SOCS6: variants seen among roughly 807,000 people sequenced by gnomAD.
The protein encoded by SOCS6 is suppressor of cytokine signaling 6.
In SOCS6, 5 loss-of-function variants were observed where a neutral mutation model predicts 27.7. The observed-to-expected ratio is 0.18, with a 90% CI of 0.09 to 0.38. SOCS6 has a LOEUF of 0.38. Among genes scored for constraint, SOCS6 ranks in the 10% least tolerant of loss-of-function variants. The pLI, the probability that SOCS6 is intolerant of heterozygous loss-of-function variation, is 1.00. For missense variants in SOCS6, 595 were observed against 688.1 expected, an observed-to-expected ratio of 0.86 and a Z score of 1.51; for synonymous variants, 271 against 260.0, an observed-to-expected ratio of 1.04 and a Z score of -0.41.
intron 1 of SOCS6, among the ~76,000 whole-genome samples, chr18:70,306,477 CAAAAAAAAAAAAAA>C (rs55702216): frequency 2.8e-4 from 26 of 92,704 alleles, no homozygotes; most frequent in Non-Finnish European, 1.5e-4. Context: ...GACTCCATCT[CAAAAAAAAAAAAAA>C]AAAAAAAAGA....
rs2062310858 is a variant in SOCS6, at chr18:70,293,763, A to G, written c.-127+4673A>G. On this transcript the variant is annotated intron_variant, in intron 1 of 1. Transcript: ENST00000397942. ...TAAGGTTTTGTTCCTTTACGTATAT[A>G]ATAATGATGATGTTTCTCTCAGAGC... 2.0e-5 allele frequency among the ~76,000 whole-genome samples: 3 copies of G among 152,190 alleles called. No individual in the cohort carries two copies. The South Asian group carries it at 6.2e-4, about 32-fold the overall frequency.
rs1369591569 is a variant in SOCS6, at chr18:70,328,452, G to C, written c.*2176G>C. The C allele has an allele frequency of 6.0e-6, 1 of 166,430 alleles. No homozygotes were observed. The highest frequency in any genetic ancestry group is 1.5e-5 in the Non-Finnish European group (1 of 68,088). The allele number at this position is 166,430 out of a possible 1,614,324, so 10.3% of individuals were successfully genotyped here. A position where few individuals can be genotyped will look rare whatever the true frequency, so the allele number is the denominator to read the frequency against. ...CCTATTCCCTTCGTTTTCTCATCAT[G>C]CCATGTGTTTAAGATCTACCCGCTT... On this transcript the variant is annotated 3_prime_UTR_variant, in exon 2 of 2. Transcript: ENST00000397942.
chr18:70,306,477 C>CAAAAAAAAAA (rs55702216), intron 1 of SOCS6, among the ~76,000 whole-genome samples: 1 of 92,704 alleles, frequency 1.1e-5, no homozygotes, highest in African/African-American at 4.2e-5. Context: ...GACTCCATCT[C>CAAAAAAAAAA]AAAAAAAAAA....
intron 1 of SOCS6, among the ~76,000 whole-genome samples, chr18:70,323,620 TTCC>T (rs1379853634): frequency 6.6e-6 from 1 of 152,216 alleles, no homozygotes; most frequent in African/African-American, 2.4e-5. Flanking sequence ...ATTGAGCTTC[TTCC>T]TCCTCTGTGC....
intron 1 of SOCS6, among the ~76,000 whole-genome samples, chr18:70,302,284 G>A (rs2146268953): frequency 6.6e-6 from 1 of 152,174 alleles, no homozygotes; most frequent in Admixed American, 6.5e-5. Context: ...GGTGAAATAG[G>A]AAGTTGGGCC....
At chr18:70,315,901 G>A (rs768629523) in intron 1 of SOCS6, among the ~76,000 whole-genome samples, 12 of 151,642 alleles carry the variant, frequency 7.9e-5, no homozygotes, top group Admixed American at 7.9e-4. Flanking sequence ...ATGGAGTTTC[G>A]CTTTTGTTGC....
At chr18:70,311,147 C>T (rs1257116917) in intron 1 of SOCS6, among the ~76,000 whole-genome samples, 1 of 152,164 alleles carries the variant, frequency 6.6e-6, no homozygotes, top group Non-Finnish European at 1.5e-5. Context: ...ATATGTTTCT[C>T]TTAGAGCACT....
intron 1 of SOCS6, among the ~76,000 whole-genome samples, chr18:70,313,389 A>T (rs2062398290): frequency 6.6e-6 from 1 of 151,898 alleles, no homozygotes; most frequent in Non-Finnish European, 1.5e-5. Flanking sequence ...AAATTTGTAC[A>T]TTTTGCATTG....
At chr18:70,318,932 G>A (rs1049513267) in intron 1 of SOCS6, among the ~76,000 whole-genome samples, 7 of 150,834 alleles carry the variant, frequency 4.6e-5, no homozygotes, top group Admixed American at 2.0e-4. Flanking sequence ...GCAAGATTCC[G>A]TCTCACAAAA....
chr18:70,305,588 A>G (rs968418942), intron 1 of SOCS6, among the ~76,000 whole-genome samples: 1 of 152,266 alleles, frequency 6.6e-6, no homozygotes, highest in African/African-American at 2.4e-5. Context: ...ATCAATTAAT[A>G]TAAAAAAGAG....
chr18:70,291,712 A>G (rs977894349), intron 1 of SOCS6, among the ~76,000 whole-genome samples: 1 of 152,092 alleles, frequency 6.6e-6, no homozygotes. Context: ...GGACTCAATT[A>G]TTGTTATTCT....
At position 70,325,329 on chromosome 18, in the gene SOCS6, A is replaced by C; in HGVS notation, c.661A>C (p.Ile221Leu). ...VVIGLMPQDY[I>L]QYTVPLDEGM... ...TATTGGACTTATGCCTCAGGACTAC[A>C]TTCAGTATACTGTGCCTTTAGATGA... Residue 221 changes from isoleucine (I) to leucine (L), a missense_variant, in exon 2 of 2, where the codon ATT (isoleucine) becomes CTT (leucine). Ile to Leu is a conservative substitution (Grantham distance 5). Coordinates refer to ENST00000397942, the MANE Select transcript of SOCS6 (RefSeq NM_004232.4). This position sits in a 1 kb window ranked among gnomAD's most constrained non-coding sequence, Gnocchi z 6.3. 6.2e-7 allele frequency: 1 copy of C among 1,614,158 alleles called. No homozygotes were observed. The highest frequency in any genetic ancestry group is 8.5e-7 in the Non-Finnish European group (1 of 1,179,998).
chr18:70,318,979 G>A (rs1476017752), intron 1 of SOCS6, among the ~76,000 whole-genome samples: 3 of 151,852 alleles, frequency 2.0e-5, no homozygotes, highest in Non-Finnish European at 4.4e-5. Context: ...GAGAAAAGAA[G>A]AAAGAAAGAA....
At chr18:70,291,089 C>T in intron 1 of SOCS6, among the ~76,000 whole-genome samples, 2 of 87,088 alleles carry the variant, frequency 2.3e-5, no homozygotes, top group South Asian at 6.4e-4. Context: ...CTTTTAATGG[C>T]CCCCCTTTTT....
rs1381979755 is a variant in SOCS6 at position 70,324,833 on chromosome 18, T to C, written c.165T>C (p.Asp55=). ...ATGGTAAAGATATGGCCAGCTGCGA[T>C]ATCAACGGTGAAGATGAAAAAGGCG... is the stretch of plus-strand genomic sequence containing the variant. ...SCYGKDMASC[D]INGEDEKGGK... is the part of the protein sequence containing the mutation. The change falls in exon 2 of 2, where the codon GAT becomes GAC. Residue 55 remains aspartate (D), a synonymous_variant. Coordinates refer to ENST00000397942, the MANE Select transcript of SOCS6 (RefSeq NM_004232.4). 1.9e-6 allele frequency: 3 copies of C among 1,614,194 alleles called. No homozygotes were observed. Among genetic ancestry groups the C allele is most frequent in the Non-Finnish European group, 1.7e-6 (2 of 1,180,032 alleles).
At position 70,310,746 on chromosome 18, in the gene SOCS6, C is replaced by T. The variant is rs138157411; in HGVS notation, c.-126-13797C>T. On this transcript the variant is annotated intron_variant, in intron 1 of 1. Coordinates refer to ENST00000397942, the MANE Select transcript of SOCS6 (RefSeq NM_004232.4). ...AGTTGCAATGTGGACTCTCGTCTCC[C>T]GTCTCCTGTCTATGCTCTTAATCAT... Among the ~76,000 whole-genome samples, 400 of 152,198 alleles carry T rather than the reference C, an allele frequency of 2.6e-3. 1 individual carries two copies. Among genetic ancestry groups the T allele is most frequent in the African/African-American group, 8.8e-3 (366 of 41,524 alleles).
chr18:70,317,443 T>G (rs2146288265), intron 1 of SOCS6, among the ~76,000 whole-genome samples: 1 of 151,486 alleles, frequency 6.6e-6, no homozygotes, highest in South Asian at 2.1e-4. Context: ...TGTGTGTGTA[T>G]ACACATACAT....
Position 70,325,615 on chromosome 18 carries a change from C to T in SOCS6, c.947C>T (p.Pro316Leu), listed in dbSNP as rs542443702. 2.3e-5 allele frequency: 37 copies of T among 1,614,188 alleles called. No individual in the cohort carries two copies. The South Asian group carries it at 4.0e-4, about 17-fold the overall frequency. ...CCTCCACTCTCACCATTGCTACCTCCAATGCAGAATAATCAAATCCAAAGG... is the reference window on the plus strand; with the variant it reads ...CCTCCACTCTCACCATTGCTACCTCTAATGCAGAATAATCAAATCCAAAGG... ...DVPPLSPLLP[P>L]MQNNQIQRNF... The change falls in exon 2 of 2, where the codon CCA (proline) becomes CTA (leucine). Residue 316 changes from proline (P) to leucine (L), a missense_variant. By Grantham distance (98) the Pro-to-Leu change is moderately conservative. This residue lies in a region of SOCS6 where 467 missense variants were observed against 481.1 expected (regional missense o/e 0.97). Coordinates refer to ENST00000397942, the MANE Select transcript of SOCS6 (RefSeq NM_004232.4). This position sits in a 1 kb window ranked among gnomAD's most constrained non-coding sequence, Gnocchi z 6.3.
intron 1 of SOCS6, among the ~76,000 whole-genome samples, chr18:70,299,367 C>T (rs1022691703): frequency 6.6e-6 from 1 of 152,202 alleles, no homozygotes; most frequent in African/African-American, 2.4e-5. Flanking sequence ...AAGGGCACAA[C>T]TCAGCAACAG....
Sources: allele counts gnomAD v4.1 joint callset (sites outside exome capture counted in the v4.1 genomes callset), GRCh38; gene constraint gnomAD v4.1.1; regional missense constraint gnomAD v4.1.1; non-coding constraint Gnocchi (gnomAD v3.1); transcripts MANE v1.5; gene names NCBI Gene and HGNC (gene_info 2026-07-23, HGNC 2026-07-21).